The following ZC3H3 variants were observed in gnomAD, a reference collection of about 807,000 sequenced individuals.
ZC3H3 encodes zinc finger CCCH domain-containing protein 3.
A neutral mutation model predicts 77.3 loss-of-function variants in ZC3H3; 36 were observed. That is an observed-to-expected ratio of 0.47 (90% CI 0.36 to 0.61). The LOEUF is 0.61. Among genes scored for constraint, ZC3H3 ranks in the 20% least tolerant of loss-of-function variants. ZC3H3 has a pLI of 0.00. For missense variants in ZC3H3, 1,331 were observed against 1,312.2 expected, an observed-to-expected ratio of 1.01 and a Z score of -0.22; for synonymous variants, 626 against 555.2, an observed-to-expected ratio of 1.13 and a Z score of -1.79.
chr8:143,471,286 G>A (rs900778543), intron 5 of ZC3H3, among the ~76,000 whole-genome samples: 3 of 152,374 alleles, frequency 2.0e-5, no homozygotes, highest in Admixed American at 2.0e-4. Flanking sequence ...GCCCTTGGGA[G>A]AAGGCAGCCA....
intron 4 of ZC3H3, among the ~76,000 whole-genome samples, chr8:143,499,801 G>T (rs1275761739): frequency 6.6e-6 from 1 of 152,168 alleles, no homozygotes; most frequent in South Asian, 2.1e-4. Context: ...TCTTGGCAAA[G>T]GCCCAAGCTC....
chr8:143,521,360 C>A (rs1489679070), intron 3 of ZC3H3, among the ~76,000 whole-genome samples: 2 of 137,090 alleles, frequency 1.5e-5, no homozygotes, highest in Non-Finnish European at 3.4e-5. Context: ...ACTGGTACCC[C>A]CTCCCAGGTC....
chr8:143,535,200 A>T (rs1822755121), intron 3 of ZC3H3, among the ~76,000 whole-genome samples: 1 of 152,010 alleles, frequency 6.6e-6, no homozygotes, highest in Non-Finnish European at 1.5e-5. Flanking sequence ...CACCATGCCC[A>T]GCTAATTTTT....
At position 143,437,946 on chromosome 8, in the gene ZC3H3, G is replaced by A. The variant is rs1197045134; in HGVS notation, c.*110C>T. The A allele has an allele frequency of 2.8e-6, 4 of 1,444,990 alleles. No homozygotes were observed. Among genetic ancestry groups the A allele is most frequent in the Admixed American group, 3.9e-5 (2 of 50,812 alleles). The allele number at this position is 1,444,990 out of a possible 1,614,324, so 89.5% of individuals were successfully genotyped here. A position where few individuals can be genotyped will look rare whatever the true frequency, so the allele number is the denominator to read the frequency against. On this transcript the variant is annotated 3_prime_UTR_variant, in exon 12 of 12. Transcript: ENST00000262577. ...CAGAGCAGTGTCCCTGTGGCCCCCA[G>A]GTGAGGCTTGGTGGCGGGCGGCCCT...
At chr8:143,475,032 G>T (rs1483273216) in intron 5 of ZC3H3, among the ~76,000 whole-genome samples, 1 of 152,244 alleles carries the variant, frequency 6.6e-6, no homozygotes, top group Non-Finnish European at 1.5e-5. Context: ...AGAAAATCAG[G>T]GGCCGCTCAG....
At chr8:143,475,343 A>G (rs1342440123) in intron 5 of ZC3H3, 55 bp downstream of exon 5, 2 of 1,564,410 alleles carry the variant, frequency 1.3e-6, no homozygotes, top group African/African-American at 2.7e-5. Flanking sequence ...TGCAATGCCC[A>G]CCACACGCTA....
chr8:143,536,881 C>T (rs1295522587), intron 2 of ZC3H3, among the ~76,000 whole-genome samples: 2 of 152,172 alleles, frequency 1.3e-5, no homozygotes, highest in East Asian at 1.9e-4. Flanking sequence ...AGCTTCTCCA[C>T]GCTCCCTCTC....
chr8:143,527,226 AGGTG>A, intron 3 of ZC3H3, among the ~76,000 whole-genome samples: 1 of 152,224 alleles, frequency 6.6e-6, no homozygotes, highest in Non-Finnish European at 1.5e-5. Context: ...GCTCTCGGAC[AGGTG>A]TCCTGCACTT....
rs569305688 is a variant in ZC3H3, at chr8:143,460,226, C to G, written c.2307+5491G>C. 6.7e-6 allele frequency among the ~76,000 whole-genome samples: 1 copy of G among 150,024 alleles called. No individual in the cohort carries two copies. Among genetic ancestry groups the G allele is most frequent in the East Asian group, 2.0e-4 (1 of 5,122 alleles). On this transcript the variant is annotated intron_variant, in intron 9 of 11. Coordinates refer to ENST00000262577, the MANE Select transcript of ZC3H3 (RefSeq NM_015117.3). The surrounding 1 kb of genome is among the most constrained non-coding windows in gnomAD (Gnocchi z 4.0). ...TCATGCCATTGCACTCCAGCCTGGG[C>G]GACAGAGTGAGACTATGTCTCAAAA...
At chr8:143,482,920 G>C (rs1586910603) in intron 4 of ZC3H3, among the ~76,000 whole-genome samples, 1 of 152,344 alleles carries the variant, frequency 6.6e-6, no homozygotes, top group African/African-American at 2.4e-5. Context: ...GGGCCACGGG[G>C]ACACGACCTC....
chr8:143,515,382 T>A (rs1822005473), intron 3 of ZC3H3, among the ~76,000 whole-genome samples: 1 of 152,198 alleles, frequency 6.6e-6, no homozygotes, highest in Non-Finnish European at 1.5e-5. Context: ...TTAGTACTGA[T>A]GAGCACACAA....
chr8:143,496,052 C>T (rs1025482355), intron 4 of ZC3H3, among the ~76,000 whole-genome samples: 2 of 152,184 alleles, frequency 1.3e-5, no homozygotes, highest in African/African-American at 4.8e-5. Flanking sequence ...AACTTGTGTG[C>T]TAGGCCTGAG....
At chr8:143,468,928 T>C (rs1289597055) in intron 5 of ZC3H3, among the ~76,000 whole-genome samples, 1 of 152,086 alleles carries the variant, frequency 6.6e-6, no homozygotes, top group East Asian at 1.9e-4. Context: ...CGGGCAGGGC[T>C]CCTGTCCCTG....
Position 143,438,201 on chromosome 8 carries a change from C to A in ZC3H3, c.2816-114G>T, listed in dbSNP as rs76247763. 5.4e-3 allele frequency: 7,244 copies of A among 1,352,908 alleles called. 331 individuals are homozygous for A. In the African/African-American group the frequency reaches 0.091, roughly 17 times the overall value. 83.8% of individuals were successfully genotyped at this position (1,352,908 alleles called of 1,614,324 possible). On this transcript the variant is annotated intron_variant, in intron 11 of 11. Transcript: ENST00000262577. ...GGGGCTCTGTCAGCCCAAGCACACA[C>A]AGCAAGGTCTGCAGAGATACCCTCC...
chr8:143,473,434 C>T (rs1042864793), intron 5 of ZC3H3, among the ~76,000 whole-genome samples: 3 of 152,204 alleles, frequency 2.0e-5, no homozygotes, highest in African/African-American at 2.4e-5. Context: ...TCAGCCCACG[C>T]CTCTCCCTGC....
intron 3 of ZC3H3, among the ~76,000 whole-genome samples, chr8:143,518,030 A>G (rs1363644686): frequency 1.3e-5 from 2 of 151,882 alleles, no homozygotes; most frequent in African/African-American, 4.8e-5. Flanking sequence ...AGAGGCGGCC[A>G]CTCAGCACAG....
At chr8:143,459,379 T>C (rs375682364) in intron 9 of ZC3H3, among the ~76,000 whole-genome samples, 2 of 152,216 alleles carry the variant, frequency 1.3e-5, no homozygotes, top group African/African-American at 4.8e-5. Context: ...GAAACCCGCG[T>C]CTCTACTAAA....
intron 3 of ZC3H3, among the ~76,000 whole-genome samples, chr8:143,529,622 T>A (rs1270730983): frequency 6.6e-6 from 1 of 152,112 alleles, no homozygotes; most frequent in African/African-American, 2.4e-5. Context: ...CACACAGGAC[T>A]GGGCGGGCGG....
intron 8 of ZC3H3, 67 bp downstream of exon 8, chr8:143,468,142 C>T (rs1820462730): frequency 8.3e-6 from 13 of 1,563,650 alleles, no homozygotes; most frequent in Admixed American, 7.1e-5. Flanking sequence ...ACCATCTGCC[C>T]GGAGGCCAGG....
Sources: gnomAD v4.1 joint callset for allele counts (sites outside exome capture counted in the v4.1 genomes callset) on GRCh38, gnomAD v4.1.1 for gene constraint, Gnocchi (gnomAD v3.1) non-coding constraint, MANE v1.5 for transcripts, NCBI Gene and HGNC (gene_info 2026-07-23, HGNC 2026-07-21) for gene names.